FAF1: variants seen among roughly 807,000 people sequenced by gnomAD.
FAF1 encodes the protein FAS-associated factor 1.
Under a neutral mutation model 92.5 loss-of-function variants are expected in FAF1, and 25 were observed. The observed-to-expected ratio is 0.27, with a 90% CI of 0.20 to 0.38. The LOEUF (loss-of-function observed/expected upper bound fraction) is 0.38. Among genes scored for constraint, FAF1 ranks in the 10% least tolerant of loss-of-function variants. The probability of loss-of-function intolerance (pLI) is 1.00; values close to 1 mark genes in which losing one functional copy is unlikely to be tolerated. For missense variants in FAF1, 636 were observed against 793.3 expected (o/e 0.80, Z 2.38); for synonymous variants, 234 against 273.2 (o/e 0.86, Z 1.42).
At chr1:50,718,949 T>C (rs922046591) in intron 6 of FAF1, among the ~76,000 whole-genome samples, 4 of 152,210 alleles carry the variant, frequency 2.6e-5, no homozygotes, top group Admixed American at 1.3e-4. Context: ...TTTACCATAA[T>C]TATGGGTTAT....
At chr1:50,795,400 G>GT (rs2124583882) in intron 3 of FAF1, among the ~76,000 whole-genome samples, 1 of 152,270 alleles carries the variant, frequency 6.6e-6, no homozygotes, top group Non-Finnish European at 1.5e-5. Context: ...CACAACCTTG[G>GT]TTCTAACTAA....
rs559102506 is a variant in FAF1 at position 50,918,705 on chromosome 1, C to T, written c.45+41062G>A. 2.6e-3 allele frequency among the ~76,000 whole-genome samples: 263 copies of T among 100,924 alleles called. 2 individuals are homozygous for T. Among genetic ancestry groups the T allele is most frequent in the Non-Finnish European group, 4.4e-3 (224 of 50,430 alleles). 66.2% of individuals were successfully genotyped at this position (100,924 alleles called of 152,430 possible). A position where few individuals can be genotyped will look rare whatever the true frequency, so the allele number is the denominator to read the frequency against. ...TGATTTATAGTCCTTTGGGTATATA[C>T]CCAGTAATGGGATGGCTGGGTCAAA... is the stretch of plus-strand genomic sequence containing the variant. On this transcript the variant is annotated intron_variant, in intron 1 of 18. Coordinates refer to ENST00000396153, the MANE Select transcript of FAF1 (RefSeq NM_007051.3).
intron 6 of FAF1, among the ~76,000 whole-genome samples, chr1:50,711,712 G>A (rs1455931411): frequency 6.6e-6 from 1 of 151,936 alleles, no homozygotes; most frequent in Non-Finnish European, 1.5e-5. Context: ...TGATCTGCCC[G>A]CCTCAGCCTC....
At position 50,959,886 on chromosome 1, in the gene FAF1, GCCGCCA is replaced by G; in HGVS notation, c.-81_-76del. On this transcript the variant is annotated 5_prime_UTR_variant, in exon 1 of 19. Coordinates refer to ENST00000396153, the MANE Select transcript of FAF1 (RefSeq NM_007051.3). Reference sequence around the variant, plus strand: ...GCAGACGGCACCTCCTGCGACCGTCGCCGCCACCGCCGCCGCCGCCGCCGGGCGCCG... The same window carrying G: ...GCAGACGGCACCTCCTGCGACCGTCGCCGCCGCCGCCGCCGCCGGGCGCCG... 1 of 992,046 alleles carries G rather than the reference GCCGCCA, an allele frequency of 1.0e-6. No individual in the cohort carries two copies. The highest frequency in any genetic ancestry group is 1.3e-6 in the Non-Finnish European group (1 of 774,680). 61.5% of individuals were successfully genotyped at this position (992,046 alleles called of 1,614,324 possible). A position where few individuals can be genotyped will look rare whatever the true frequency, so the allele number is the denominator to read the frequency against.
chr1:50,656,577 GT>G (rs1655122929), intron 7 of FAF1, among the ~76,000 whole-genome samples: 1 of 152,078 alleles, frequency 6.6e-6, no homozygotes, highest in African/African-American at 2.4e-5. Context: ...TAAACTCTAC[GT>G]CAGCCAGTAA....
At chr1:50,755,657 G>A (rs968759225) in intron 4 of FAF1, among the ~76,000 whole-genome samples, 1 of 152,158 alleles carries the variant, frequency 6.6e-6, no homozygotes, top group African/African-American at 2.4e-5. Flanking sequence ...CCCTAGCAGA[G>A]GCCCTCCAGG....
At chr1:50,524,226 C>T (rs1179579411) in intron 15 of FAF1, among the ~76,000 whole-genome samples, 1 of 152,104 alleles carries the variant, frequency 6.6e-6, no homozygotes, top group East Asian at 1.9e-4. Flanking sequence ...TGCCCTTTGG[C>T]CACTTCTTAA....
intron 7 of FAF1, among the ~76,000 whole-genome samples, chr1:50,661,946 A>T (rs1655395691): frequency 6.6e-6 from 1 of 152,200 alleles, no homozygotes; most frequent in Non-Finnish European, 1.5e-5. Context: ...CCTCCTTAAA[A>T]TCCTTTCTGA....
At chr1:50,660,539 C>T (rs1414395261) in intron 7 of FAF1, among the ~76,000 whole-genome samples, 5 of 151,778 alleles carry the variant, frequency 3.3e-5, no homozygotes, top group Non-Finnish European at 7.4e-5. Flanking sequence ...CTCTGTCGCC[C>T]AGGCCAGAGT....
At chr1:50,731,484 C>T (rs1469336996) in intron 6 of FAF1, among the ~76,000 whole-genome samples, 2 of 151,844 alleles carry the variant, frequency 1.3e-5, no homozygotes, top group Admixed American at 1.3e-4. Context: ...ATTCTCCTGC[C>T]TCAGCCTCCC....
chr1:50,471,457 C>G (rs1179088978), intron 18 of FAF1, among the ~76,000 whole-genome samples: 1 of 152,176 alleles, frequency 6.6e-6, no homozygotes. Context: ...TACTCATTCT[C>G]CTGTTCCTTT....
intron 18 of FAF1, among the ~76,000 whole-genome samples, chr1:50,457,907 G>A (rs970231870): frequency 6.6e-6 from 1 of 150,676 alleles, no homozygotes; most frequent in Non-Finnish European, 1.5e-5. Flanking sequence ...TTTGGGGAAG[G>A]GTAAATAATT....
chr1:50,479,299 G>A (rs1355635151), intron 17 of FAF1, among the ~76,000 whole-genome samples: 1 of 151,506 alleles, frequency 6.6e-6, no homozygotes, highest in Admixed American at 6.7e-5. Context: ...AGTCAGTTCT[G>A]ATGAGAGAAC....
At chr1:50,897,994 C>T (rs1304426167) in intron 1 of FAF1, among the ~76,000 whole-genome samples, 6 of 152,198 alleles carry the variant, frequency 3.9e-5, no homozygotes, top group Non-Finnish European at 7.3e-5. Context: ...AGATCTGCAA[C>T]TTGAAACAGT....
chr1:50,596,122 T>G lies in FAF1; in HGVS notation c.839A>C (p.Glu280Ala). The change falls in exon 9 of 19, where the codon GAA (glutamate) becomes GCA (alanine). Residue 280 changes from glutamate to alanine, a missense_variant and splice_region_variant. By Grantham distance (107) the Glu-to-Ala change is moderately radical (BLOSUM62 -1). This residue lies in a region of FAF1 where 317 missense variants were observed against 342.4 expected (regional missense o/e 0.93). Transcript: ENST00000396153. Reference protein sequence around the residue: ...SPAQTREQSEEQITDVHMVSD... With the variant: ...SPAQTREQSEAQITDVHMVSD... ...AGAAAAGCTGGCAAACAGGCTTACT[T>G]CTTCCGACTGTTCCCGGGTCTGTGC... 1 of 1,612,042 alleles carries G rather than the reference T, an allele frequency of 6.2e-7. No individual in the cohort carries two copies. The highest frequency in any genetic ancestry group is 8.5e-7 in the Non-Finnish European group (1 of 1,178,438).
At chr1:50,840,314 G>C (rs1011555155) in intron 2 of FAF1, among the ~76,000 whole-genome samples, 1 of 151,734 alleles carries the variant, frequency 6.6e-6, no homozygotes, top group African/African-American at 2.4e-5. Flanking sequence ...AAAATGAAAT[G>C]GCCGGCCACA....
Position 50,647,996 on chromosome 1 carries a change from C to T in FAF1, c.744+7446G>A, listed in dbSNP as rs1248736961. On this transcript the variant is annotated intron_variant, in intron 8 of 18. Transcript: ENST00000396153. The stretch of plus-strand genomic sequence containing the variant: ...GGTCTTGGCTGGGCGCGGTGGCTCA[C>T]GCCTCCAATCCTGGCACTTTGGGAG... 8.5e-5 allele frequency among the ~76,000 whole-genome samples: 13 copies of T among 152,092 alleles called. No individual in the cohort carries two copies. In the East Asian group the frequency reaches 9.7e-4, roughly 11 times the overall value.
intron 12 of FAF1, among the ~76,000 whole-genome samples, chr1:50,577,918 G>A (rs1256395895): frequency 6.6e-6 from 1 of 152,170 alleles, no homozygotes; most frequent in Non-Finnish European, 1.5e-5. Flanking sequence ...AAGAAAAAAG[G>A]CAAAAAGAAC....
chr1:50,950,827 G>GT (rs1160767113), intron 1 of FAF1, among the ~76,000 whole-genome samples: 3 of 152,134 alleles, frequency 2.0e-5, no homozygotes, highest in Non-Finnish European at 2.9e-5. Flanking sequence ...TATTTTATAC[G>GT]TAAGTTTCCT....
Sources: gnomAD v4.1 joint callset for allele counts (sites outside exome capture counted in the v4.1 genomes callset) on GRCh38, gnomAD v4.1.1 for gene constraint, gnomAD v4.1.1 regional missense constraint, MANE v1.5 for transcripts, NCBI Gene and HGNC (gene_info 2026-07-23, HGNC 2026-07-21) for gene names.